STK32C: variants seen among roughly 807,000 people sequenced by gnomAD.
STK32C encodes serine/threonine kinase 32C, also known as serine/threonine-protein kinase 32C.
A neutral mutation model predicts 56.5 loss-of-function variants in STK32C; 31 were observed. The observed-to-expected ratio is 0.55, with a 90% CI of 0.41 to 0.74. The LOEUF (loss-of-function observed/expected upper bound fraction) is 0.74, where lower values mean the gene tolerates loss of function less well. STK32C is among the 30% of genes least tolerant of loss of function. The pLI is 0.00. For missense variants in STK32C, 544 were observed against 676.9 expected (o/e 0.80, Z 2.18); for synonymous variants, 309 against 289.4 (o/e 1.07, Z -0.69).
intron 2 of STK32C, among the ~76,000 whole-genome samples, chr10:132,244,112 C>T (rs186984850): frequency 6.6e-6 from 1 of 152,180 alleles, no homozygotes. Flanking sequence ...CTGGAAGGAC[C>T]CCTCCAGGTC....
chr10:132,324,638 C>T (rs1395447611), intron 1 of STK32C, among the ~76,000 whole-genome samples: 1 of 152,182 alleles, frequency 6.6e-6, no homozygotes, highest in Non-Finnish European at 1.5e-5. Context: ...AAAAAGACTG[C>T]CTTTCTTTTG....
At chr10:132,246,049 G>T in intron 1 of STK32C, 94 bp from the exon 2 acceptor site, 1 of 1,234,022 alleles carries the variant, frequency 8.1e-7, no homozygotes, top group Non-Finnish European at 1.2e-6. Context: ...CCCCGACACT[G>T]CCCAGGGCCC....
intron 1 of STK32C, among the ~76,000 whole-genome samples, chr10:132,266,501 C>T (rs1213503508): frequency 1.3e-5 from 2 of 152,152 alleles, no homozygotes; most frequent in African/African-American, 4.8e-5. Flanking sequence ...TCATCTAGAT[C>T]AGGGACATTC....
intron 1 of STK32C, among the ~76,000 whole-genome samples, chr10:132,329,674 T>A (rs747935299): frequency 2.0e-5 from 3 of 151,700 alleles, no homozygotes; most frequent in Admixed American, 6.6e-5. Flanking sequence ...GGAAGCGCAG[T>A]TTGAGAGATG....
intron 1 of STK32C, among the ~76,000 whole-genome samples, chr10:132,318,262 T>C (rs2066343650): frequency 6.7e-6 from 1 of 150,032 alleles, no homozygotes. Context: ...AAGGAGACTA[T>C]GTCTCAAAAA....
intron 1 of STK32C, among the ~76,000 whole-genome samples, chr10:132,263,919 G>GT (rs921256682): frequency 7.9e-5 from 12 of 151,568 alleles, no homozygotes; most frequent in African/African-American, 2.9e-4. Flanking sequence ...GCATGGCGCA[G>GT]TGACACATGG....
At chr10:132,212,847 T>C (rs1590132544) in intron 10 of STK32C, among the ~76,000 whole-genome samples, 1 of 152,182 alleles carries the variant, frequency 6.6e-6, no homozygotes, top group Non-Finnish European at 1.5e-5. Flanking sequence ...ATCAGAGAGC[T>C]GAGGTCAAAG....
chr10:132,240,674 C>T (rs1005694490), intron 2 of STK32C, among the ~76,000 whole-genome samples: 5 of 152,128 alleles, frequency 3.3e-5, no homozygotes, highest in Admixed American at 1.3e-4. Context: ...CTGGGAAATG[C>T]GGACGCCGTG....
chr10:132,214,324 G>C (rs1331720637), intron 10 of STK32C, among the ~76,000 whole-genome samples: 1 of 152,216 alleles, frequency 6.6e-6, no homozygotes, highest in Admixed American at 6.5e-5. Flanking sequence ...CAGACTGCCT[G>C]TTAGAAATCA....
At chr10:132,225,498 T>C in intron 6 of STK32C, 29 bp downstream of exon 6, 2 of 1,613,094 alleles carry the variant, frequency 1.2e-6, no homozygotes. Context: ...GGAAGCCAGC[T>C]CCCATCTGGA....
chr10:132,303,433 A>G (rs1475579642), intron 1 of STK32C, among the ~76,000 whole-genome samples: 1 of 152,238 alleles, frequency 6.6e-6, no homozygotes, highest in Non-Finnish European at 1.5e-5. Flanking sequence ...CAGATGATGA[A>G]TCTGACCACA....
At chr10:132,325,060 G>A (rs540530381) in intron 1 of STK32C, among the ~76,000 whole-genome samples, 47 of 152,316 alleles carry the variant, frequency 3.1e-4, no homozygotes, top group Non-Finnish European at 4.4e-5. Flanking sequence ...TCTCATTGGT[G>A]GCTACTGTTA....
intron 2 of STK32C, among the ~76,000 whole-genome samples, chr10:132,235,053 TGTCTGAGTG>T (rs2063227397): frequency 6.6e-6 from 1 of 151,678 alleles, no homozygotes; most frequent in Non-Finnish European, 1.5e-5. Flanking sequence ...TGGTATGAAC[TGTCTGAGTG>T]GTGTGAGCTG....
chr10:132,269,601 G>A (rs747333393), intron 1 of STK32C, among the ~76,000 whole-genome samples: 4 of 152,228 alleles, frequency 2.6e-5, no homozygotes, highest in African/African-American at 7.2e-5. Flanking sequence ...AAGGCTGCTC[G>A]GGGCTAACAG....
chr10:132,329,153 G>A (rs538136957), intron 1 of STK32C, among the ~76,000 whole-genome samples: 2 of 152,246 alleles, frequency 1.3e-5, no homozygotes, highest in African/African-American at 2.4e-5. Context: ...AGTGGCTCAC[G>A]CCTATAATCC....
At position 132,307,645 on chromosome 10, in the gene STK32C, C is replaced by T. The variant is rs2066119613; in HGVS notation, c.189G>A (p.Lys63=). Residue 63 remains lysine (K), a synonymous_variant, in exon 1 of 12, where the codon AAG becomes AAA. Coordinates refer to ENST00000298630, the MANE Select transcript of STK32C (RefSeq NM_173575.4). This position sits in a 1 kb window ranked among gnomAD's most constrained non-coding sequence, Gnocchi z 4.4. Reference sequence around the variant, plus strand: ...TGGACGAGCCCATCCTCTTCTTCCACTTGCTCCACTGAAACAGGGGGCGCG... The same window carrying T: ...TGGACGAGCCCATCCTCTTCTTCCATTTGCTCCACTGAAACAGGGGGCGCG... ...SQPRPLFQWS[K]WKKRMGSSMS... is the part of the protein sequence containing the mutation. 6.4e-7 allele frequency: 1 copy of T among 1,550,738 alleles called. No homozygotes were observed. The highest frequency in any genetic ancestry group is 8.7e-7 in the Non-Finnish European group (1 of 1,151,956).
At chr10:132,309,521 G>A (rs2066180327), upstream of STK32C, among the ~76,000 whole-genome samples, 3 of 152,204 alleles carry the variant, frequency 2.0e-5, no homozygotes, top group African/African-American at 7.2e-5. Context: ...TAGCACAAAC[G>A]CATCGGTCTC....
intron 1 of STK32C, among the ~76,000 whole-genome samples, chr10:132,279,742 G>C (rs75194884): frequency 4.3e-4 from 31 of 71,498 alleles, no homozygotes; most frequent in South Asian, 1.2e-3. Context: ...ACTGCACTCC[G>C]TGATCACACC....
At chr10:132,247,978 G>A (rs1177184549) in intron 1 of STK32C, among the ~76,000 whole-genome samples, 6 of 152,128 alleles carry the variant, frequency 3.9e-5, no homozygotes, top group Admixed American at 1.3e-4. Context: ...GACAAGACCC[G>A]TGGCCGACAC....
Sources: gnomAD v4.1 joint callset for allele counts (sites outside exome capture counted in the v4.1 genomes callset) on GRCh38, gnomAD v4.1.1 for gene constraint, Gnocchi (gnomAD v3.1) non-coding constraint, MANE v1.5 for transcripts, NCBI Gene and HGNC (gene_info 2026-07-23, HGNC 2026-07-21) for gene names.